Variants in ATF7IP observed in about 807,000 individuals in gnomAD.
ATF7IP encodes activating transcription factor 7-interacting protein 1.
In ATF7IP, 23 loss-of-function variants were observed where a neutral mutation model predicts 106.4. The observed-to-expected ratio is 0.22, with a 90% CI of 0.16 to 0.31. The LOEUF (loss-of-function observed/expected upper bound fraction) is 0.31. Among genes scored for constraint, ATF7IP ranks in the 10% least tolerant of loss-of-function variants. The pLI, the probability that ATF7IP is intolerant of heterozygous loss-of-function variation, is 1.00. For missense variants in ATF7IP, 1,334 were observed against 1,524.3 expected, an observed-to-expected ratio of 0.88 and a Z score of 2.08; for synonymous variants, 542 against 539.0, an observed-to-expected ratio of 1.01 and a Z score of -0.08.
intron 6 of ATF7IP, among the ~76,000 whole-genome samples, chr12:14,453,629 CT>C (rs35691070): frequency 4.8e-4 from 70 of 145,782 alleles, no homozygotes; most frequent in East Asian, 1.6e-3. Flanking sequence ...AATTGAGTAT[CT>C]TTTTTTTTTT....
In ATF7IP at chr12:14,441,706, G is replaced by C. The variant is rs1250884499; in HGVS notation, c.1929+3439G>C. Among the ~76,000 whole-genome samples, 4 of 151,876 alleles carry C rather than the reference G, an allele frequency of 2.6e-5. No individual in the cohort carries two copies. The South Asian group carries it at 6.2e-4, about 24-fold the overall frequency. On this transcript the variant is annotated intron_variant, in intron 5 of 14. Coordinates refer to ENST00000261168, the MANE Select transcript of ATF7IP (RefSeq NM_018179.5). Reference sequence around the variant, plus strand: ...GGGTTTCACCATGTTAGCCAGGATGGTCTCCATTTCCTGACCTCATGATCT... The same window carrying C: ...GGGTTTCACCATGTTAGCCAGGATGCTCTCCATTTCCTGACCTCATGATCT...
intron 13 of ATF7IP, among the ~76,000 whole-genome samples, chr12:14,488,166 A>G (rs1037385885): frequency 8.5e-5 from 13 of 152,102 alleles, no homozygotes; most frequent in African/African-American, 2.9e-4. Context: ...AGGGTTCTCT[A>G]AAGGGACAGA....
intron 5 of ATF7IP, among the ~76,000 whole-genome samples, chr12:14,444,028 ATGC>A (rs1942838061): frequency 6.6e-6 from 1 of 152,176 alleles, no homozygotes; most frequent in Non-Finnish European, 1.5e-5. Flanking sequence ...GATTAGTACT[ATGC>A]TCTTAAATAG....
intron 10 of ATF7IP, among the ~76,000 whole-genome samples, chr12:14,472,932 T>C (rs1310751979): frequency 6.6e-6 from 1 of 152,180 alleles, no homozygotes; most frequent in Non-Finnish European, 1.5e-5. Flanking sequence ...AGCAGCATTT[T>C]TATGTTTACT....
Position 14,498,120 on chromosome 12 carries a change from G to A in ATF7IP, c.*47G>A, listed in dbSNP as rs1945066353. The A allele has an allele frequency of 2.0e-6, 3 of 1,507,092 alleles. No homozygotes were observed. Among genetic ancestry groups the A allele is most frequent in the Admixed American group, 2.2e-5 (1 of 45,604 alleles). The allele number at this position is 1,507,092 out of a possible 1,614,324, so 93.4% of individuals were successfully genotyped here. ...CCTCTTTTAAAATTTCCACCTTTTG[G>A]TCTTGTTTTTAATCTTGTGCATGAT... On this transcript the variant is annotated 3_prime_UTR_variant, in exon 15 of 15. Transcript: ENST00000261168.
chr12:14,448,738 C>T (rs1002626733), intron 6 of ATF7IP, among the ~76,000 whole-genome samples: 4 of 152,192 alleles, frequency 2.6e-5, no homozygotes, highest in Non-Finnish European at 5.9e-5. Context: ...TTCTGTTCTT[C>T]ATAGAGGCTG....
At chr12:14,491,756 G>A (rs1944832977) in intron 13 of ATF7IP, among the ~76,000 whole-genome samples, 1 of 152,216 alleles carries the variant, frequency 6.6e-6, no homozygotes, top group Admixed American at 6.5e-5. Flanking sequence ...TGCACACCAG[G>A]TACTAGGAGA....
chr12:14,425,878 A>G (rs1278437100), intron 2 of ATF7IP, among the ~76,000 whole-genome samples: 1 of 152,222 alleles, frequency 6.6e-6, no homozygotes, highest in African/African-American at 2.4e-5. Context: ...GTAACAAATT[A>G]TATTTTCAAT....
At chr12:14,473,764 CT>C (rs760790783) in intron 10 of ATF7IP, among the ~76,000 whole-genome samples, 1 of 149,288 alleles carries the variant, frequency 6.7e-6, no homozygotes, top group Non-Finnish European at 1.5e-5. Context: ...CTTTTGTCTC[CT>C]TTTTTCAAGG....
chr12:14,372,309 A>T (rs1938564870), intron 1 of ATF7IP, among the ~76,000 whole-genome samples: 1 of 152,084 alleles, frequency 6.6e-6, no homozygotes, highest in Admixed American at 6.6e-5. Context: ...TTGGAGACAG[A>T]GAGTGAGTGC....
chr12:14,381,690 TTAA>T, intron 1 of ATF7IP, among the ~76,000 whole-genome samples: 1 of 152,280 alleles, frequency 6.6e-6, no homozygotes. Flanking sequence ...ATGTGTAATG[TTAA>T]TAATAACTTA....
intron 3 of ATF7IP, among the ~76,000 whole-genome samples, chr12:14,434,880 A>G (rs928400420): frequency 6.6e-6 from 1 of 152,132 alleles, no homozygotes; most frequent in Admixed American, 6.5e-5. Flanking sequence ...GAGGCCAGTA[A>G]TGCAAGACCA....
chr12:14,472,128 G>A (rs893052067), intron 10 of ATF7IP, among the ~76,000 whole-genome samples: 15 of 152,000 alleles, frequency 9.9e-5, no homozygotes, highest in Non-Finnish European at 2.1e-4. Flanking sequence ...GTATTTTAAG[G>A]ACATCTTAAC....
intron 1 of ATF7IP, among the ~76,000 whole-genome samples, chr12:14,396,392 G>A (rs1939843241): frequency 6.6e-6 from 1 of 151,900 alleles, no homozygotes; most frequent in Non-Finnish European, 1.5e-5. Flanking sequence ...TTCAGGGGCA[G>A]GAACTGTTCC....
At chr12:14,433,865 C>T (rs1942266969) in intron 2 of ATF7IP, among the ~76,000 whole-genome samples, 1 of 152,050 alleles carries the variant, frequency 6.6e-6, no homozygotes, top group African/African-American at 2.4e-5. Context: ...ATAGCCTTTC[C>T]ATTCCTTATT....
At chr12:14,480,758 A>G (rs1319839603) in intron 12 of ATF7IP, among the ~76,000 whole-genome samples, 1 of 152,174 alleles carries the variant, frequency 6.6e-6, no homozygotes, top group Non-Finnish European at 1.5e-5. Flanking sequence ...TATCTGGTCA[A>G]ACCAGAGTGG....
chr12:14,455,337 T>A (rs1194234925), intron 6 of ATF7IP, among the ~76,000 whole-genome samples: 1 of 152,232 alleles, frequency 6.6e-6, no homozygotes, highest in Non-Finnish European at 1.5e-5. Flanking sequence ...ACAGCCAGAT[T>A]TTAAGCACCT....
intron 11 of ATF7IP, chr12:14,476,194 AAG>A: frequency 2.5e-6 from 1 of 403,374 alleles, no homozygotes; most frequent in Non-Finnish European, 4.5e-6. Flanking sequence ...GGATCGAGGC[AAG>A]AGGTCAGGAG....
intron 2 of ATF7IP, among the ~76,000 whole-genome samples, chr12:14,426,448 C>T (rs1001687566): frequency 6.6e-6 from 1 of 150,916 alleles, no homozygotes; most frequent in South Asian, 2.1e-4. Context: ...GGAGGCAGGT[C>T]TAAGAGACAG....
Sources: gnomAD v4.1 joint callset for allele counts (sites outside exome capture counted in the v4.1 genomes callset) on GRCh38, gnomAD v4.1.1 for gene constraint, MANE v1.5 for transcripts, NCBI Gene and HGNC (gene_info 2026-07-23, HGNC 2026-07-21) for gene names.